The following KCNH7 variants were observed in gnomAD, a reference collection of about 807,000 sequenced individuals.
The protein encoded by KCNH7 is voltage-gated inwardly rectifying potassium channel KCNH7.
A neutral mutation model predicts 120.8 loss-of-function variants in KCNH7; 49 were observed. The ratio of observed to expected loss-of-function variants is 0.41; its 90% confidence interval spans 0.32 to 0.51. The LOEUF (loss-of-function observed/expected upper bound fraction) is 0.51. Among genes scored for constraint, KCNH7 ranks in the 20% least tolerant of loss-of-function variants. The probability of loss-of-function intolerance (pLI) is 0.38; values close to 1 mark genes in which losing one functional copy is unlikely to be tolerated. For missense variants in KCNH7, 1,097 were observed against 1,446.6 expected (o/e 0.76, Z 3.92); for synonymous variants, 547 against 516.1 (o/e 1.06, Z -0.81).
chr2:162,627,141 A>G (rs1371731185), intron 2 of KCNH7, among the ~76,000 whole-genome samples: 1 of 152,176 alleles, frequency 6.6e-6, no homozygotes, highest in Non-Finnish European at 1.5e-5. Context: ...AGAGGCATTC[A>G]GCACTGGGGA....
At chr2:162,520,404 C>T (rs1000248114) in intron 3 of KCNH7, among the ~76,000 whole-genome samples, 2 of 151,808 alleles carry the variant, frequency 1.3e-5, no homozygotes, top group Admixed American at 6.6e-5. Context: ...CAAGAAAATG[C>T]TATCACTCTT....
intron 2 of KCNH7, among the ~76,000 whole-genome samples, chr2:162,751,120 A>C (rs1688527547): frequency 6.6e-6 from 1 of 152,134 alleles, no homozygotes; most frequent in African/African-American, 2.4e-5. Context: ...TAGGCTCATC[A>C]GATTTCTGGA....
At chr2:162,504,799 C>G (rs187392381) in intron 5 of KCNH7, 142 bp from the exon 6 acceptor site, 16 of 622,466 alleles carry the variant, frequency 2.6e-5, no homozygotes, top group Middle Eastern at 4.4e-4. Context: ...TACCTGGACA[C>G]AGGGCTTAGG....
At chr2:162,784,323 T>A (rs2105502085) in intron 2 of KCNH7, among the ~76,000 whole-genome samples, 2 of 152,296 alleles carry the variant, frequency 1.3e-5, no homozygotes, top group Middle Eastern at 6.8e-3. Flanking sequence ...TCCAATGGGT[T>A]AAATAATTTG....
intron 2 of KCNH7, among the ~76,000 whole-genome samples, chr2:162,800,572 C>T (rs556724050): frequency 2.0e-5 from 3 of 151,894 alleles, no homozygotes; most frequent in South Asian, 2.1e-4. Context: ...AGCCCACTCT[C>T]ATGGTAAAGA....
chr2:162,538,681 A>G (rs1692196866), intron 2 of KCNH7, among the ~76,000 whole-genome samples: 1 of 152,056 alleles, frequency 6.6e-6, no homozygotes, highest in African/African-American at 2.4e-5. Flanking sequence ...CTGCTGCTAG[A>G]GCTGAGAACA....
At chr2:162,643,531 G>A (rs577224543) in intron 2 of KCNH7, among the ~76,000 whole-genome samples, 7 of 151,986 alleles carry the variant, frequency 4.6e-5, no homozygotes, top group South Asian at 2.1e-4. Flanking sequence ...ATTAACCGCC[G>A]GGCGAGGTGG....
At chr2:162,491,890 C>T (rs1044432915) in intron 6 of KCNH7, among the ~76,000 whole-genome samples, 2 of 152,144 alleles carry the variant, frequency 1.3e-5, no homozygotes, top group African/African-American at 4.8e-5. Flanking sequence ...GAAAAAAAGC[C>T]TTCTTTTTCC....
At position 162,517,634 on chromosome 2, in the gene KCNH7, A is replaced by T; in HGVS notation, c.892+96T>A. On this transcript the variant is annotated intron_variant, in intron 4 of 15. Coordinates refer to ENST00000332142, the MANE Select transcript of KCNH7 (RefSeq NM_033272.4). ...GCCTTTAATCACATTTCTTTCCCCA[A>T]TGCACAGAGATTATTGTTGAAATTT... is the stretch of plus-strand genomic sequence containing the variant. The T allele has an allele frequency of 2.8e-6, 3 of 1,053,726 alleles. No homozygotes were observed. The East Asian group carries it at 7.8e-5, about 27-fold the overall frequency. 65.3% of individuals were successfully genotyped at this position (1,053,726 alleles called of 1,614,324 possible). A position where few individuals can be genotyped will look rare whatever the true frequency, so the allele number is the denominator to read the frequency against.
chr2:162,750,057 G>A (rs1253832718), intron 2 of KCNH7, among the ~76,000 whole-genome samples: 1 of 152,062 alleles, frequency 6.6e-6, no homozygotes, highest in Admixed American at 6.6e-5. Flanking sequence ...TAATTAAAAG[G>A]AATGACAACT....
At chr2:162,508,740 C>A (rs1690968338) in intron 5 of KCNH7, among the ~76,000 whole-genome samples, 1 of 151,392 alleles carries the variant, frequency 6.6e-6, no homozygotes, top group African/African-American at 2.4e-5. Context: ...CCTCCTAAGT[C>A]TATATTCAGA....
At chr2:162,401,295 C>T (rs1687057744) in intron 9 of KCNH7, among the ~76,000 whole-genome samples, 1 of 151,882 alleles carries the variant, frequency 6.6e-6, no homozygotes, top group South Asian at 2.1e-4. Flanking sequence ...ACTCTTGCTT[C>T]TCTGTGTCTT....
intron 12 of KCNH7, among the ~76,000 whole-genome samples, chr2:162,388,381 G>A (rs112417145): frequency 6.7e-6 from 1 of 150,218 alleles, no homozygotes; most frequent in Admixed American, 6.6e-5. Context: ...CACACACACA[G>A]AGTTAACTAT....
intron 4 of KCNH7, among the ~76,000 whole-genome samples, chr2:162,513,157 C>CTCCCTCCCTCCCTCCCTTCTT (rs1691137478): frequency 3.4e-5 from 2 of 58,374 alleles, no homozygotes; most frequent in Admixed American, 3.6e-4. Context: ...TCCTTCCTCC[C>CTCCCTCCCTCCCTCCCTTCTT]TCCCTCCCTC....
intron 13 of KCNH7, among the ~76,000 whole-genome samples, chr2:162,384,064 A>G (rs1686503994): frequency 6.6e-6 from 1 of 151,746 alleles, no homozygotes; most frequent in African/African-American, 2.4e-5. Flanking sequence ...AATTTTCCTG[A>G]ATTTCTCATT....
At chr2:162,509,923 C>T (rs905378729) in intron 5 of KCNH7, among the ~76,000 whole-genome samples, 1 of 151,338 alleles carries the variant, frequency 6.6e-6, no homozygotes, top group Non-Finnish European at 1.5e-5. Context: ...GAGGTGGGAG[C>T]ATTAAAGGGG....
chr2:162,691,720 G>A (rs1384333495), intron 2 of KCNH7, among the ~76,000 whole-genome samples: 1 of 152,056 alleles, frequency 6.6e-6, no homozygotes, highest in Non-Finnish European at 1.5e-5. Context: ...ACTGTTCCTT[G>A]ATTCTACATT....
At chr2:162,471,454 T>C (rs181097432) in intron 6 of KCNH7, among the ~76,000 whole-genome samples, 99 of 152,230 alleles carry the variant, frequency 6.5e-4, no homozygotes, top group African/African-American at 2.1e-3. Context: ...GAGCAGTCAA[T>C]GAGAAAGAGC....
chr2:162,543,687 T>C (rs1692388566), intron 2 of KCNH7, among the ~76,000 whole-genome samples: 1 of 152,106 alleles, frequency 6.6e-6, no homozygotes, highest in Non-Finnish European at 1.5e-5. Context: ...GCTCTACTAT[T>C]ATTTAGTGAA....
Sources: allele counts gnomAD v4.1 joint callset (sites outside exome capture counted in the v4.1 genomes callset), GRCh38; gene constraint gnomAD v4.1.1; transcripts MANE v1.5; gene names NCBI Gene and HGNC (gene_info 2026-07-23, HGNC 2026-07-21).